CEP128: variants seen among roughly 807,000 people sequenced by gnomAD.
CEP128 encodes the protein centrosomal protein 128, also known as centrosomal protein 128kDa.
In CEP128, 132 loss-of-function variants were observed where a neutral mutation model predicts 156.7. The observed-to-expected ratio is 0.84, with a 90% CI of 0.73 to 0.97. CEP128 has a LOEUF of 0.97. Among genes scored for constraint, CEP128 ranks in the 50% least tolerant of loss-of-function variants. The pLI, the probability that CEP128 is intolerant of heterozygous loss-of-function variation, is 0.00. For missense variants in CEP128, 1,252 were observed against 1,281.9 expected, an observed-to-expected ratio of 0.98 and a Z score of 0.36; for synonymous variants, 469 against 448.9, an observed-to-expected ratio of 1.04 and a Z score of -0.57.
At chr14:80,521,469 C>T (rs556724064) in intron 23 of CEP128, among the ~76,000 whole-genome samples, 4 of 152,070 alleles carry the variant, frequency 2.6e-5, no homozygotes, top group African/African-American at 4.8e-5. Flanking sequence ...AGATCCATTA[C>T]GATTTTCAGA....
intron 9 of CEP128, among the ~76,000 whole-genome samples, chr14:80,859,702 G>C (rs1372446797): frequency 1.3e-5 from 2 of 152,016 alleles, no homozygotes; most frequent in African/African-American, 4.8e-5. Flanking sequence ...AGAAATGAGT[G>C]AACAATTCTT....
intron 4 of CEP128, among the ~76,000 whole-genome samples, chr14:80,912,698 G>A (rs1316804236): frequency 2.0e-5 from 3 of 152,008 alleles, no homozygotes; most frequent in Admixed American, 6.6e-5. Context: ...TATGAGAGAA[G>A]ATATGTTTCC....
chr14:80,672,823 T>G (rs974677248), intron 19 of CEP128, among the ~76,000 whole-genome samples: 3 of 152,108 alleles, frequency 2.0e-5, no homozygotes, highest in African/African-American at 4.8e-5. Flanking sequence ...TATATTTACA[T>G]AAAAAATAAG....
At chr14:80,868,963 C>T (rs185788649) in intron 8 of CEP128, among the ~76,000 whole-genome samples, 25 of 152,068 alleles carry the variant, frequency 1.6e-4, no homozygotes, top group East Asian at 9.6e-4. Context: ...TAAATGTATA[C>T]GCACCTAATC....
intron 13 of CEP128, among the ~76,000 whole-genome samples, chr14:80,811,911 T>A (rs1884577174): frequency 6.6e-6 from 1 of 152,118 alleles, no homozygotes; most frequent in African/African-American, 2.4e-5. Flanking sequence ...TCCACAAGAT[T>A]TATGTTTTTA....
At chr14:80,859,333 T>G (rs1165313041) in intron 9 of CEP128, among the ~76,000 whole-genome samples, 2 of 140,420 alleles carry the variant, frequency 1.4e-5, no homozygotes, top group African/African-American at 5.3e-5. Flanking sequence ...CACTCATAGG[T>G]GGGAATTGAA....
At chr14:80,700,608 T>C (rs1172264407) in intron 19 of CEP128, among the ~76,000 whole-genome samples, 1 of 152,202 alleles carries the variant, frequency 6.6e-6, no homozygotes, top group Non-Finnish European at 1.5e-5. Context: ...TTTGTCTTTC[T>C]GAGTAAACGG....
At chr14:80,887,860 A>G (rs1888886303) in intron 8 of CEP128, among the ~76,000 whole-genome samples, 1 of 152,164 alleles carries the variant, frequency 6.6e-6, no homozygotes, top group African/African-American at 2.4e-5. Context: ...TGAAAAAATT[A>G]GCAAAACAGA....
chr14:80,829,335 A>T (rs1248081084), intron 13 of CEP128, among the ~76,000 whole-genome samples: 1 of 152,248 alleles, frequency 6.6e-6, no homozygotes, highest in Non-Finnish European at 1.5e-5. Context: ...ACTGGAAAAA[A>T]AAATTTCATT....
intron 2 of CEP128, among the ~76,000 whole-genome samples, chr14:80,948,965 T>C (rs1405563604): frequency 2.0e-5 from 3 of 152,180 alleles, no homozygotes; most frequent in Non-Finnish European, 2.9e-5. Flanking sequence ...TTTGCCTACA[T>C]TATAATTGCC....
chr14:80,850,294 C>T (rs1482988286), intron 9 of CEP128, among the ~76,000 whole-genome samples: 2 of 152,062 alleles, frequency 1.3e-5, no homozygotes, highest in African/African-American at 4.8e-5. Flanking sequence ...GCCAAGTACA[C>T]TTTCAGAAAG....
chr14:80,846,911 A>C (rs1886636657), intron 9 of CEP128, among the ~76,000 whole-genome samples: 1 of 152,184 alleles, frequency 6.6e-6, no homozygotes, highest in Non-Finnish European at 1.5e-5. Context: ...ATTATTCAAT[A>C]CTAGGCCAAT....
At chr14:80,788,735 T>C (rs900806610) in intron 14 of CEP128, among the ~76,000 whole-genome samples, 2 of 152,062 alleles carry the variant, frequency 1.3e-5, no homozygotes, top group Non-Finnish European at 2.9e-5. Flanking sequence ...TTACCCTACT[T>C]CTCCTCTCGG....
At chr14:80,904,314 AT>A (rs1566705905) in intron 6 of CEP128, among the ~76,000 whole-genome samples, 1 of 152,088 alleles carries the variant, frequency 6.6e-6, no homozygotes, top group African/African-American at 2.4e-5. Context: ...ATAGAGTAGA[AT>A]AATGGTTACC....
chr14:80,534,536 G>A (rs576717916), intron 21 of CEP128, among the ~76,000 whole-genome samples: 107 of 152,276 alleles, frequency 7.0e-4, no homozygotes, highest in Non-Finnish European at 8.4e-4. Context: ...CCACTGTTAA[G>A]GGAGCAGGGC....
chr14:80,567,826 G>T (rs971374266), intron 20 of CEP128, among the ~76,000 whole-genome samples: 2 of 152,122 alleles, frequency 1.3e-5, no homozygotes, highest in Non-Finnish European at 2.9e-5. Context: ...AGGACAACCA[G>T]TGCAATTTCA....
At chr14:80,488,915 A>C (rs1457348038), downstream of CEP128, among the ~76,000 whole-genome samples, 2 of 145,080 alleles carry the variant, frequency 1.4e-5, no homozygotes, top group Non-Finnish European at 3.0e-5. Flanking sequence ...GTTCTCACTC[A>C]TAGGTGGGAA....
At chr14:80,881,495 A>G (rs1258618217) in intron 8 of CEP128, among the ~76,000 whole-genome samples, 1 of 114,778 alleles carries the variant, frequency 8.7e-6, no homozygotes, top group Non-Finnish European at 1.9e-5. Context: ...GCAAACATTT[A>G]AAGAACTAAT....
At chr14:80,659,145 G>C (rs935982374) in intron 19 of CEP128, among the ~76,000 whole-genome samples, 11 of 152,030 alleles carry the variant, frequency 7.2e-5, no homozygotes, top group Admixed American at 4.6e-4. Context: ...CCTTTTACCA[G>C]AAAATAAAAT....
Sources: allele counts gnomAD v4.1 joint callset (sites outside exome capture counted in the v4.1 genomes callset), GRCh38; gene constraint gnomAD v4.1.1; transcripts MANE v1.5; gene names NCBI Gene and HGNC (gene_info 2026-07-23, HGNC 2026-07-21).